Variants in AP3M2 observed in about 807,000 individuals in gnomAD.
AP3M2 encodes the protein adaptor related protein complex 3 subunit mu 2.
Under a neutral mutation model 41.6 loss-of-function variants are expected in AP3M2, and 28 were observed. The observed-to-expected ratio is 0.67, with a 90% CI of 0.50 to 0.92. AP3M2 has a LOEUF of 0.92. Ranked by LOEUF, AP3M2 falls within the 40% of genes least tolerant of loss-of-function variation. The probability of loss-of-function intolerance (pLI) is 0.00; values close to 1 mark genes in which losing one functional copy is unlikely to be tolerated. For synonymous variants in AP3M2, 193 were observed against 186.4 expected (o/e 1.04, Z -0.29); for missense variants, 427 against 521.4 (o/e 0.82, Z 1.76).
chr8:42,157,748 A>G (rs372362721), intron 2 of AP3M2, among the ~76,000 whole-genome samples, 193 bp from the exon 3 acceptor site: 2 of 152,364 alleles, frequency 1.3e-5, no homozygotes, highest in East Asian at 3.9e-4. Context: ...GTAGTACCAT[A>G]AGCCAGTCTA....
At chr8:42,155,975 G>C in intron 2 of AP3M2, 1 of 456,200 alleles carries the variant, frequency 2.2e-6, no homozygotes, top group Non-Finnish European at 4.4e-6. Context: ...GCAATACTCT[G>C]TAGTACTACT....
In AP3M2 at chr8:42,165,630, A is replaced by AT. The variant is rs531475877; in HGVS notation, c.803+72dup. 31 of 1,559,860 alleles carry AT rather than the reference A, an allele frequency of 2.0e-5. 1 individual carries two copies. The South Asian group carries it at 3.0e-4, about 15-fold the overall frequency. ...GTATGTGGAAACCGTATCTGTGGTG[A>AT]TTAAGAACTCAGGCTCTAGAGTTAC... On this transcript the variant is annotated intron_variant, in intron 6 of 8. Coordinates refer to ENST00000396926, the MANE Select transcript of AP3M2 (RefSeq NM_006803.4).
At chr8:42,156,102 C>T in intron 2 of AP3M2, 1 of 444,368 alleles carries the variant, frequency 2.3e-6, no homozygotes, top group South Asian at 1.6e-5. Context: ...TCCTAAACAA[C>T]TTTTAACTGG....
chr8:42,159,457 T>A (rs1344222120), intron 3 of AP3M2, among the ~76,000 whole-genome samples: 1 of 152,256 alleles, frequency 6.6e-6, no homozygotes, highest in Admixed American at 6.5e-5. Flanking sequence ...CAGTCATTTT[T>A]TGTTATTAAG....
intron 3 of AP3M2, among the ~76,000 whole-genome samples, chr8:42,159,906 C>T (rs2150958276): frequency 6.6e-6 from 1 of 152,238 alleles, no homozygotes; most frequent in Non-Finnish European, 1.5e-5. Flanking sequence ...TGTCAAATAT[C>T]ACGACACGTT....
chr8:42,155,058 A>AG, intron 2 of AP3M2, 98 bp downstream of exon 2: 1 of 1,084,742 alleles, frequency 9.2e-7, no homozygotes, highest in Non-Finnish European at 1.3e-6. Context: ...CTTAAAAAAA[A>AG]AAATCAAAAC....
intron 2 of AP3M2, chr8:42,155,929 C>A (rs1454629219): frequency 2.2e-6 from 1 of 454,312 alleles, no homozygotes; most frequent in Non-Finnish European, 4.4e-6. Context: ...AACTTCCCTT[C>A]CCAAGAGAAT....
chr8:42,168,951 T>C lies in AP3M2; in HGVS notation c.1157-10T>C. ...CTCATGTCTATTTTCCCTCTCTCCCTCCTTTCTAGGACTCAAGGTGAATCG... is the reference window on the plus strand; with the variant it reads ...CTCATGTCTATTTTCCCTCTCTCCCCCCTTTCTAGGACTCAAGGTGAATCG... On this transcript the variant is annotated splice_polypyrimidine_tract_variant and intron_variant, in intron 8 of 8. Coordinates refer to ENST00000396926, the MANE Select transcript of AP3M2 (RefSeq NM_006803.4). 6.3e-7 allele frequency: 1 copy of C among 1,588,940 alleles called. No homozygotes were observed. Among genetic ancestry groups the C allele is most frequent in the East Asian group, 2.3e-5 (1 of 44,126 alleles).
At chr8:42,158,148 T>A (rs1180040951) in intron 3 of AP3M2, 36 bp downstream of exon 3, 1 of 1,593,242 alleles carries the variant, frequency 6.3e-7, no homozygotes, top group Non-Finnish European at 8.6e-7. Flanking sequence ...ATAGTGGCCA[T>A]CCTACAGCCT....
chr8:42,169,158 C>G lies in AP3M2; in HGVS notation c.*97C>G, dbSNP rs557767547. The stretch of plus-strand genomic sequence containing the variant: ...ATCAGCCTGTCTCCTAGGTCAGTCC[C>G]CTCCTGGACCCACCCGCTCCCTTTT... On this transcript the variant is annotated 3_prime_UTR_variant, in exon 9 of 9. Coordinates refer to ENST00000396926, the MANE Select transcript of AP3M2 (RefSeq NM_006803.4). 1 of 928,050 alleles carries G rather than the reference C, an allele frequency of 1.1e-6. No individual in the cohort carries two copies. The highest frequency in any genetic ancestry group is 1.7e-5 in the African/African-American group (1 of 58,380). The allele number at this position is 928,050 out of a possible 1,614,324, so 57.5% of individuals were successfully genotyped here.
chr8:42,160,927 C>T (rs1252832962), intron 3 of AP3M2, among the ~76,000 whole-genome samples: 2 of 152,164 alleles, frequency 1.3e-5, no homozygotes, highest in Non-Finnish European at 1.5e-5. Context: ...TTGTTAGTGC[C>T]TGAATCATTT....
chr8:42,158,252 T>TG, intron 3 of AP3M2, 140 bp downstream of exon 3: 9 of 580,452 alleles, frequency 1.6e-5, no homozygotes, highest in African/African-American at 1.4e-4. Context: ...TTGTAGTTGT[T>TG]TTTTTTTTTT....
intron 2 of AP3M2, among the ~76,000 whole-genome samples, chr8:42,155,350 AAGT>A (rs1162380743): frequency 6.6e-6 from 1 of 152,198 alleles, no homozygotes; most frequent in Non-Finnish European, 1.5e-5. Context: ...AGAAAAGAAA[AAGT>A]AGAAAAAGCT....
chr8:42,168,807 C>T (rs1323368280), intron 8 of AP3M2, among the ~76,000 whole-genome samples, 154 bp from the exon 9 acceptor site: 1 of 152,098 alleles, frequency 6.6e-6, no homozygotes, highest in Admixed American at 6.5e-5. Flanking sequence ...AGTATCTGTC[C>T]CAAGACTGGA....
At position 42,169,751 on chromosome 8, in the gene AP3M2, C is replaced by T. The variant is rs1196497348; in HGVS notation, c.*690C>T. On this transcript the variant is annotated 3_prime_UTR_variant, in exon 9 of 9. Coordinates refer to ENST00000396926, the MANE Select transcript of AP3M2 (RefSeq NM_006803.4). Reference sequence around the variant, plus strand: ...GTGGAATCAGATTTTCCCTCAAAGACCATGATGGTATCGGACTAGTTTTCA... The same window carrying T: ...GTGGAATCAGATTTTCCCTCAAAGATCATGATGGTATCGGACTAGTTTTCA... The T allele has an allele frequency of 1.3e-5, 2 of 152,216 alleles. No individual in the cohort carries two copies. Among genetic ancestry groups the T allele is most frequent in the East Asian group, 1.9e-4 (1 of 5,202 alleles). 9.4% of individuals were successfully genotyped at this position (152,216 alleles called of 1,614,324 possible).
chr8:42,164,287 G>A (rs1463968797), intron 4 of AP3M2, among the ~76,000 whole-genome samples: 1 of 152,186 alleles, frequency 6.6e-6, no homozygotes, highest in Non-Finnish European at 1.5e-5. Flanking sequence ...GGAGCACCGG[G>A]TTCAGGGCAT....
chr8:42,166,918 AC>A (rs1804653624), intron 6 of AP3M2: 1 of 502,262 alleles, frequency 2.0e-6, no homozygotes, highest in Admixed American at 3.3e-5. Flanking sequence ...ATAGTAGTGT[AC>A]TTTTTGATTT....
rs1476210315 is a variant in AP3M2 at position 42,170,467 on chromosome 8, T to TA, written c.*1407dup. The TA allele has an allele frequency of 6.6e-6, 1 of 152,244 alleles. No homozygotes were observed. The highest frequency in any genetic ancestry group is 2.4e-5 in the African/African-American group (1 of 41,464). The allele number at this position is 152,244 out of a possible 1,614,324, so 9.4% of individuals were successfully genotyped here. The stretch of plus-strand genomic sequence containing the variant: ...TTTTGTCCTAGTTCAGTGTGTCTGT[T>TA]ACTATTTAAATATTTATACAAAAGG... On this transcript the variant is annotated 3_prime_UTR_variant, in exon 9 of 9. Coordinates refer to ENST00000396926, the MANE Select transcript of AP3M2 (RefSeq NM_006803.4).
In AP3M2 at chr8:42,157,439, G is replaced by A. The variant is rs1015831037; in HGVS notation, c.274-502G>A. 3.9e-5 allele frequency among the ~76,000 whole-genome samples: 6 copies of A among 152,182 alleles called. No homozygotes were observed. In the South Asian group the frequency reaches 6.2e-4, roughly 16 times the overall value. ...GACAAAGAGTTCTTGGAATGCTAGC[G>A]TCTTAAAGATAGTCCAAAGGAATTT... On this transcript the variant is annotated intron_variant, in intron 2 of 8. Transcript: ENST00000396926.
Sources: gnomAD v4.1 joint callset for allele counts (sites outside exome capture counted in the v4.1 genomes callset) on GRCh38, gnomAD v4.1.1 for gene constraint, MANE v1.5 for transcripts, NCBI Gene and HGNC (gene_info 2026-07-23, HGNC 2026-07-21) for gene names.